FRMD1: variants seen among roughly 807,000 people sequenced by gnomAD.
FRMD1 encodes the protein FERM domain-containing protein 1.
Under a neutral mutation model 54.9 loss-of-function variants are expected in FRMD1, and 51 were observed. The ratio of observed to expected loss-of-function variants is 0.93; its 90% CI spans 0.74 to 1.17. The LOEUF is 1.17. Ranked by LOEUF, FRMD1 falls within the 50% of genes most tolerant of loss-of-function variation. FRMD1 has a pLI of 0.00. For synonymous variants in FRMD1, 324 were observed against 306.4 expected, an observed-to-expected ratio of 1.06 and a Z score of -0.60; for missense variants, 729 against 743.0, an observed-to-expected ratio of 0.98 and a Z score of 0.22.
chr6:168,084,848 C>G (rs562380154), upstream of FRMD1, among the ~76,000 whole-genome samples: 29 of 152,344 alleles, frequency 1.9e-4, no homozygotes, highest in Middle Eastern at 0.01. Flanking sequence ...CTCCCCATCA[C>G]AGGGAGAGAG....
chr6:168,062,649 C>G (rs547895527), intron 7 of FRMD1: 3 of 1,549,000 alleles, frequency 1.9e-6, no homozygotes, highest in Non-Finnish European at 2.6e-6. Context: ...TTCCAGGGCA[C>G]GGGGACCCCC....
At chr6:168,089,818 G>A (rs998546742) in intron 1 of FRMD1, among the ~76,000 whole-genome samples, 16 of 152,188 alleles carry the variant, frequency 1.1e-4, no homozygotes, top group East Asian at 9.6e-4. Context: ...GCGGGAAGCC[G>A]GGGCAGGTGA....
At chr6:168,067,243 C>T (rs1800084568) in intron 3 of FRMD1, 124 bp downstream of exon 3, 2 of 692,546 alleles carry the variant, frequency 2.9e-6, no homozygotes, top group Admixed American at 4.4e-5. Context: ...TCTCCCAACC[C>T]ACGCATCCCC....
rs200893521 is a variant in FRMD1, at chr6:168,059,108, G to T, written c.1407+16C>A. On this transcript the variant is annotated intron_variant, in intron 10 of 10. Coordinates refer to ENST00000283309, the MANE Select transcript of FRMD1 (RefSeq NM_024919.6). This position sits in a 1 kb window ranked among gnomAD's most constrained non-coding sequence, Gnocchi z 4.4. The stretch of plus-strand genomic sequence containing the variant: ...GGAGCAGGGCCAGGGCTTCTGGCCC[G>T]TGGGGGGGACTCTACCTGGTGCACG... 3 of 1,557,280 alleles carry T rather than the reference G, an allele frequency of 1.9e-6. No individual in the cohort carries two copies. Among genetic ancestry groups the T allele is most frequent in the Non-Finnish European group, 8.7e-7 (1 of 1,154,358 alleles).
At position 168,078,885 on chromosome 6, in the gene FRMD1, C is replaced by T. The variant is rs779912411; in HGVS notation, c.210G>A (p.Val70=). The part of the protein sequence containing the change: ...LPSREQLRLA[V]GVKATGRELF... ...GGCCACCCAGGGCCCTGCTCACCCCCACGGCCAGCCGCAGTTGCTCCCGGC... is the reference window on the plus strand; with the variant it reads ...GGCCACCCAGGGCCCTGCTCACCCCTACGGCCAGCCGCAGTTGCTCCCGGC... Residue 70 remains valine (V), a synonymous_variant, in exon 1 of 11, where the codon GTG becomes GTA. Coordinates refer to ENST00000283309, the MANE Select transcript of FRMD1 (RefSeq NM_024919.6). 1.3e-6 allele frequency: 2 copies of T among 1,584,540 alleles called. No individual in the cohort carries two copies. Among genetic ancestry groups the T allele is most frequent in the Non-Finnish European group, 8.6e-7 (1 of 1,168,728 alleles).
At chr6:168,084,029 T>C (rs1800879226), upstream of FRMD1, among the ~76,000 whole-genome samples, 2 of 152,240 alleles carry the variant, frequency 1.3e-5, no homozygotes, top group South Asian at 4.1e-4. Flanking sequence ...GTCCTGTGGG[T>C]CCAAACTGAG....
At chr6:168,072,072 G>C (rs779790624) in intron 2 of FRMD1, among the ~76,000 whole-genome samples, 1 of 152,256 alleles carries the variant, frequency 6.6e-6, no homozygotes, top group Non-Finnish European at 1.5e-5. Context: ...CGTCCAAGCC[G>C]GGGCTGCCGA....
At chr6:168,089,563 T>C (rs1056020317) in intron 1 of FRMD1, among the ~76,000 whole-genome samples, 13 of 152,206 alleles carry the variant, frequency 8.5e-5, no homozygotes, top group African/African-American at 3.1e-4. Context: ...CGCACACTGT[T>C]TACCGTCACT....
In FRMD1 at chr6:168,063,735, C is replaced by T; in HGVS notation, c.670G>A (p.Asp224Asn). 2 of 1,613,136 alleles carry T rather than the reference C, an allele frequency of 1.2e-6. No individual in the cohort carries two copies. Among genetic ancestry groups the T allele is most frequent in the Non-Finnish European group, 1.7e-6 (2 of 1,179,432 alleles). The change falls in exon 6 of 11, where the codon GAC (aspartate) becomes AAC (asparagine). Residue 224 changes from aspartate (D) to asparagine (N), a missense_variant. Asp to Asn is a conservative substitution (Grantham distance 23). Coordinates refer to ENST00000283309, the MANE Select transcript of FRMD1 (RefSeq NM_024919.6). ...PQWIITKRGI[D>N]YILRHMPTLH... ...GTAGGCATGTGCCGGAGGATGTAGT[C>T]AATCCCCCTCTTGGTGATGATCTGA...
chr6:168,075,871 CCCGGTGT>C (rs1240985204), intron 1 of FRMD1: 51 of 1,232,578 alleles, frequency 4.1e-5, no homozygotes, highest in Middle Eastern at 2.3e-4. Flanking sequence ...ATTTCCGGTG[CCCGGTGT>C]CCACATTTCC....
intron 1 of FRMD1, among the ~76,000 whole-genome samples, chr6:168,087,855 C>T (rs550788679): frequency 1.3e-5 from 2 of 152,212 alleles, no homozygotes; most frequent in Non-Finnish European, 2.9e-5. Context: ...GGCACGGAGA[C>T]CCCCGGACCC....
In FRMD1 at chr6:168,059,482, C is replaced by T. The variant is rs1290092517; in HGVS notation, c.1343-294G>A. On this transcript the variant is annotated intron_variant, in intron 9 of 10. Coordinates refer to ENST00000283309, the MANE Select transcript of FRMD1 (RefSeq NM_024919.6). This position sits in a 1 kb window ranked among gnomAD's most constrained non-coding sequence, Gnocchi z 4.4. ...AGGCCAACCATCCCTTCCTGGTGGA[C>T]CAGACACTCCAAGGGCAATGGCGGA... is the stretch of plus-strand genomic sequence containing the variant. Among the ~76,000 whole-genome samples, 3 of 152,196 alleles carry T rather than the reference C, an allele frequency of 2.0e-5. No homozygotes were observed. The highest frequency in any genetic ancestry group is 4.4e-5 in the Non-Finnish European group (3 of 68,024).
chr6:168,086,211 T>A (rs886101204), upstream of FRMD1, among the ~76,000 whole-genome samples: 10 of 151,580 alleles, frequency 6.6e-5, no homozygotes, highest in African/African-American at 1.2e-4. Context: ...ACACTGCCCA[T>A]GTTCCAGCAT....
At chr6:168,082,510 C>T (rs1405786575), upstream of FRMD1, among the ~76,000 whole-genome samples, 2 of 152,214 alleles carry the variant, frequency 1.3e-5, no homozygotes, top group African/African-American at 2.4e-5. Context: ...GAGGGCTTCT[C>T]GCCGTGCTCA....
rs544619769 is a variant in FRMD1, at chr6:168,072,135, C to T, written c.304+3110G>A. Among the ~76,000 whole-genome samples, 8 of 152,334 alleles carry T rather than the reference C, an allele frequency of 5.3e-5. No individual in the cohort carries two copies. The East Asian group carries it at 7.7e-4, about 15-fold the overall frequency. ...CACCGAGGATCATCAGCACATAAAC[C>T]GGGAGAATCCTTGGCCACCGGGAAC... On this transcript the variant is annotated intron_variant, in intron 2 of 10. Coordinates refer to ENST00000283309, the MANE Select transcript of FRMD1 (RefSeq NM_024919.6).
intron 1 of FRMD1, among the ~76,000 whole-genome samples, chr6:168,078,254 G>C (rs1474919114): frequency 1.3e-5 from 2 of 152,116 alleles, no homozygotes; most frequent in Non-Finnish European, 2.9e-5. Context: ...AAATAGAGAA[G>C]CATAGAGATG....
intron 3 of FRMD1, chr6:168,067,080 CT>C: frequency 1.4e-6 from 1 of 710,424 alleles, no homozygotes; most frequent in Non-Finnish European, 2.5e-6. Context: ...TGCTTGCAGC[CT>C]CAGGGCTCAC....
chr6:168,092,161 G>A lies in FRMD1; in HGVS notation c.-12+9264C>T, dbSNP rs138179050. 4.5e-4 allele frequency among the ~76,000 whole-genome samples: 68 copies of A among 152,382 alleles called. 1 individual carries two copies. Among genetic ancestry groups the A allele is most frequent in the African/African-American group, 1.5e-3 (62 of 41,598 alleles). On this transcript the variant is annotated intron_variant, in intron 1 of 12. Coordinates refer to the FRMD1 transcript ENST00000644440. Reference sequence around the variant, plus strand: ...CAAGGATGCACCTGTGTGCCACAGTGCCCCGTCTGCTCTGAGGCTTGATGG... The same window carrying A: ...CAAGGATGCACCTGTGTGCCACAGTACCCCGTCTGCTCTGAGGCTTGATGG...
Position 168,064,489 on chromosome 6 carries a change from G to A in FRMD1, c.648+382C>T, listed in dbSNP as rs535632176. ...GAAGCTGAGGCTCAGAGACTCCTAC[G>A]GGTCCCAGGATACTTAGAGAGAAGC... On this transcript the variant is annotated intron_variant, in intron 5 of 10. Transcript: ENST00000283309. Among the ~76,000 whole-genome samples the A allele has an allele frequency of 3.3e-5, 5 of 151,906 alleles. No individual in the cohort carries two copies. In the South Asian group the frequency reaches 6.2e-4, roughly 19 times the overall value.
Sources: gnomAD v4.1 joint callset for allele counts (sites outside exome capture counted in the v4.1 genomes callset) on GRCh38, gnomAD v4.1.1 for gene constraint, Gnocchi (gnomAD v3.1) non-coding constraint, MANE v1.5 for transcripts, NCBI Gene and HGNC (gene_info 2026-07-23, HGNC 2026-07-21) for gene names.